Variants in GALNTL5 observed in about 807,000 individuals in gnomAD.
GALNTL5 encodes inactive polypeptide N-acetylgalactosaminyltransferase-like protein 5.
In GALNTL5, 44 loss-of-function variants were observed where a neutral mutation model predicts 51.0. The ratio of observed to expected loss-of-function variants is 0.86; its 90% CI spans 0.68 to 1.11. The LOEUF (loss-of-function observed/expected upper bound fraction) is 1.11, where lower values mean the gene tolerates loss of function less well. GALNTL5 is among the 50% of genes least tolerant of loss of function. The pLI is 0.00. For synonymous variants in GALNTL5, 192 were observed against 182.8 expected (o/e 1.05, Z -0.41); for missense variants, 528 against 531.8 (o/e 0.99, Z 0.07).
Position 152,007,814 on chromosome 7 carries a change from G to A in GALNTL5, c.909-13G>A. 2 of 1,359,036 alleles carry A rather than the reference G, an allele frequency of 1.5e-6. No homozygotes were observed. Among genetic ancestry groups the A allele is most frequent in the Non-Finnish European group, 2.1e-6 (2 of 949,552 alleles). 84.2% of individuals were successfully genotyped at this position (1,359,036 alleles called of 1,614,324 possible). ...TCTGTGAAATTAATTTCATATTTAT[G>A]TCCCCTTTCTAGGTCACCTGCAATG... On this transcript the variant is annotated splice_polypyrimidine_tract_variant and intron_variant, in intron 6 of 8. Transcript: ENST00000392800.
rs866936552 is a variant in GALNTL5 at position 152,003,115 on chromosome 7, A to G, written c.908+152A>G. On this transcript the variant is annotated intron_variant, in intron 6 of 8. Transcript: ENST00000392800. Reference sequence around the variant, plus strand: ...AAGTCTTTAATACAGTAATAGAATTATTGTTAATAGAATCACTTAGGACTC... The same window carrying G: ...AAGTCTTTAATACAGTAATAGAATTGTTGTTAATAGAATCACTTAGGACTC... The G allele has an allele frequency of 7.7e-6, 5 of 647,772 alleles. No individual in the cohort carries two copies. The Middle Eastern group carries it at 8.8e-4, about 113-fold the overall frequency. 40.1% of individuals were successfully genotyped at this position (647,772 alleles called of 1,614,324 possible).
At chr7:152,001,602 C>T (rs1274006762) in intron 5 of GALNTL5, among the ~76,000 whole-genome samples, 1 of 152,092 alleles carries the variant, frequency 6.6e-6, no homozygotes, top group Non-Finnish European at 1.5e-5. Context: ...CTGTGTCTAT[C>T]CTTACACCAA....
At chr7:152,001,697 A>C (rs2081582384) in intron 5 of GALNTL5, among the ~76,000 whole-genome samples, 3 of 152,160 alleles carry the variant, frequency 2.0e-5, no homozygotes, top group African/African-American at 7.2e-5. Flanking sequence ...TTTCAAAATT[A>C]TTTTGGCTAA....
intron 2 of GALNTL5, among the ~76,000 whole-genome samples, chr7:151,969,489 G>A (rs995471003): frequency 1.3e-4 from 20 of 152,044 alleles, no homozygotes; most frequent in Admixed American, 9.8e-4. Context: ...ATGCAAGAGC[G>A]GGTGTCTGGC....
intron 4 of GALNTL5, among the ~76,000 whole-genome samples, chr7:151,983,510 G>T (rs1038486944): frequency 2.0e-5 from 3 of 152,094 alleles, no homozygotes; most frequent in African/African-American, 7.2e-5. Flanking sequence ...TGCGCTCCCC[G>T]ATGGCACTTG....
At position 151,981,471 on chromosome 7, in the gene GALNTL5, T is replaced by C. The variant is rs538234738; in HGVS notation, c.369-1515T>C. On this transcript the variant is annotated intron_variant, in intron 3 of 8. Transcript: ENST00000392800. ...CATTCAAGCCTCTAGTTCTAATCAT[T>C]CCTTGAGGCTCCAGCTGCTGCAGCT... Among the ~76,000 whole-genome samples the C allele has an allele frequency of 2.6e-5, 4 of 152,196 alleles. No homozygotes were observed. In the East Asian group the frequency reaches 7.7e-4, roughly 29 times the overall value.
intron 5 of GALNTL5, among the ~76,000 whole-genome samples, chr7:151,988,639 G>A (rs888316396): frequency 3.3e-5 from 5 of 151,172 alleles, no homozygotes; most frequent in East Asian, 3.9e-4. Context: ...TCAGACCCGC[G>A]TTTTTATGCA....
At chr7:151,974,448 T>C (rs2081183758) in intron 3 of GALNTL5, among the ~76,000 whole-genome samples, 1 of 152,184 alleles carries the variant, frequency 6.6e-6, no homozygotes, top group South Asian at 2.1e-4. Context: ...GAGAAGTACT[T>C]ACATTAAGGA....
intron 3 of GALNTL5, among the ~76,000 whole-genome samples, chr7:151,980,437 G>C (rs1279780960): frequency 6.6e-6 from 1 of 152,112 alleles, no homozygotes; most frequent in Non-Finnish European, 1.5e-5. Context: ...CACCGTTACA[G>C]ACCCAAGTGC....
chr7:152,000,846 C>T (rs574607973), intron 5 of GALNTL5, among the ~76,000 whole-genome samples: 10 of 151,942 alleles, frequency 6.6e-5, no homozygotes, highest in Non-Finnish European at 1.2e-4. Context: ...GAAATACTTT[C>T]CCCCATTTTG....
chr7:151,983,731 C>G (rs762524902), intron 4 of GALNTL5, among the ~76,000 whole-genome samples: 1 of 151,992 alleles, frequency 6.6e-6, no homozygotes, highest in African/African-American at 2.4e-5. Context: ...CAACTGAGGT[C>G]TGAATGATGA....
chr7:151,999,087 C>T (rs960822743), intron 5 of GALNTL5, among the ~76,000 whole-genome samples: 3 of 152,332 alleles, frequency 2.0e-5, no homozygotes, highest in Admixed American at 6.5e-5. Flanking sequence ...TATCTGTGTT[C>T]TGTCTCTTTC....
intron 6 of GALNTL5, among the ~76,000 whole-genome samples, chr7:152,004,666 C>A (rs1340385481): frequency 2.0e-5 from 3 of 152,116 alleles, no homozygotes; most frequent in African/African-American, 4.8e-5. Flanking sequence ...CATGTGTATA[C>A]ATTATTTAGT....
At chr7:151,969,180 T>A (rs557860113) in intron 2 of GALNTL5, among the ~76,000 whole-genome samples, 1 of 152,248 alleles carries the variant, frequency 6.6e-6, no homozygotes, top group Non-Finnish European at 1.5e-5. Flanking sequence ...ATTTTGGTGC[T>A]GTTCAATTCA....
Position 152,010,473 on chromosome 7 carries a change from AATTTT to A in GALNTL5, c.1026+2535_1026+2539del, listed in dbSNP as rs372595937. On this transcript the variant is annotated intron_variant, in intron 7 of 8. Transcript: ENST00000392800. ...AGTAGGGTGAGATTATCAGATATTT[AATTTT>A]ATTTTTGGCCCAGGTGCGGCAGCTC... Among the ~76,000 whole-genome samples, 862 of 152,190 alleles carry A rather than the reference AATTTT, an allele frequency of 5.7e-3. 10 individuals are homozygous for A. The highest frequency in any genetic ancestry group is 0.02 in the African/African-American group (822 of 41,538).
chr7:151,976,638 T>C (rs1288537311), intron 3 of GALNTL5, among the ~76,000 whole-genome samples: 2 of 152,164 alleles, frequency 1.3e-5, no homozygotes, highest in East Asian at 1.9e-4. Flanking sequence ...AGATTCTCCA[T>C]GAGAATTCTA....
In GALNTL5 at chr7:152,002,697, T is replaced by G; in HGVS notation, c.659-17T>G. 1 of 1,613,214 alleles carries G rather than the reference T, an allele frequency of 6.2e-7. No homozygotes were observed. The highest frequency in any genetic ancestry group is 1.1e-5 in the South Asian group (1 of 91,024). On this transcript the variant is annotated splice_polypyrimidine_tract_variant and intron_variant, in intron 5 of 8. Coordinates refer to ENST00000392800, the MANE Select transcript of GALNTL5 (RefSeq NM_145292.4). ...TCAGCTATGTGGACTAACATTGCCC[T>G]GTTCTTGCCTCCCCAGGGGATGTTC... is the stretch of plus-strand genomic sequence containing the variant.
chr7:151,959,244 A>G (rs1459166323), intron 1 of GALNTL5, among the ~76,000 whole-genome samples: 1 of 151,236 alleles, frequency 6.6e-6, no homozygotes, highest in Non-Finnish European at 1.5e-5. Flanking sequence ...TTTTTTTTTA[A>G]CTAGTTTCTA....
chr7:151,973,311 A>G lies in GALNTL5; in HGVS notation c.368+2246A>G, dbSNP rs1021386896. ...CTCTACTAAAAATACAAAAAAAAAA[A>G]AAAATTAGCCAGGCATGGTGATGCG... On this transcript the variant is annotated intron_variant, in intron 3 of 8. Transcript: ENST00000392800. Among the ~76,000 whole-genome samples, 4 of 151,930 alleles carry G rather than the reference A, an allele frequency of 2.6e-5. No homozygotes were observed. The South Asian group carries it at 8.3e-4, about 32-fold the overall frequency.
Sources: gnomAD v4.1 joint callset for allele counts (sites outside exome capture counted in the v4.1 genomes callset) on GRCh38, gnomAD v4.1.1 for gene constraint, MANE v1.5 for transcripts, NCBI Gene and HGNC (gene_info 2026-07-23, HGNC 2026-07-21) for gene names.